The following XIRP2 variants were observed in gnomAD, a reference collection of about 807,000 sequenced individuals.
The protein encoded by XIRP2 is xin actin binding repeat containing 2.
A neutral mutation model predicts 277.0 loss-of-function variants in XIRP2; 236 were observed. That is an observed-to-expected ratio of 0.85 (90% CI 0.77 to 0.95). The LOEUF (loss-of-function observed/expected upper bound fraction) is 0.95, where lower values mean the gene tolerates loss of function less well. XIRP2 is among the 40% of genes least tolerant of loss of function. The pLI is 0.00. For synonymous variants in XIRP2, 1,490 were observed against 1,416.5 expected (o/e 1.05, Z -1.17); for missense variants, 4,640 against 4,157.5 (o/e 1.12, Z -3.19).
chr2:167,172,002 G>A (rs73023920), intron 3 of XIRP2, among the ~76,000 whole-genome samples: 15,603 of 152,170 alleles, frequency 0.1, 862 homozygotes, highest in South Asian at 0.16. Context: ...CATGCGATGC[G>A]TAGTAATCAC....
At chr2:167,145,688 A>G (rs1691844396) in intron 3 of XIRP2, among the ~76,000 whole-genome samples, 1 of 152,226 alleles carries the variant, frequency 6.6e-6, no homozygotes, top group Non-Finnish European at 1.5e-5. Context: ...AAAGTCTTCC[A>G]TGAGACTGCA....
At chr2:166,899,837 T>C (rs1324608042) in intron 1 of XIRP2, among the ~76,000 whole-genome samples, 2 of 152,130 alleles carry the variant, frequency 1.3e-5, no homozygotes, top group African/African-American at 4.8e-5. Flanking sequence ...ATGTTGCTTA[T>C]TGGTAATGGT....
At chr2:166,950,969 A>C (rs1686012010) in intron 2 of XIRP2, among the ~76,000 whole-genome samples, 1 of 152,086 alleles carries the variant, frequency 6.6e-6, no homozygotes. Flanking sequence ...GATGCTAAGG[A>C]AGAGGCTAAA....
At chr2:167,137,715 G>A (rs1346277168) in intron 3 of XIRP2, among the ~76,000 whole-genome samples, 1 of 152,096 alleles carries the variant, frequency 6.6e-6, no homozygotes, top group Non-Finnish European at 1.5e-5. Flanking sequence ...CACATTTCCA[G>A]GTACATTGAC....
chr2:167,244,631 C>T lies in XIRP2; in HGVS notation c.3239C>T (p.Thr1080Ile), dbSNP rs746431334. 33 of 1,612,992 alleles carry T rather than the reference C, an allele frequency of 2.0e-5. No individual in the cohort carries two copies. The highest frequency in any genetic ancestry group is 2.6e-5 in the Non-Finnish European group (31 of 1,179,572). The stretch of plus-strand genomic sequence containing the variant: ...GATGTGGAAGAAACAGAAAGTAAAA[C>T]TGAACAAACTAGAGATATTGTTAAA... ...FSDVEETESKTEQTRDIVKGD... is the reference protein window; with the variant it reads ...FSDVEETESKIEQTRDIVKGD... Residue 1080 changes from threonine (T) to isoleucine (I), a missense_variant, in exon 9 of 11, where the codon ACT (threonine) becomes ATT (isoleucine). By Grantham distance (89) the Thr-to-Ile change is moderately conservative. Transcript: ENST00000409195.
intron 2 of XIRP2, among the ~76,000 whole-genome samples, chr2:167,015,375 C>T (rs1558948358): frequency 6.6e-6 from 1 of 151,674 alleles, no homozygotes; most frequent in Non-Finnish European, 1.5e-5. Flanking sequence ...TAGTTAATAT[C>T]TACTAAGTAC....
chr2:166,910,103 G>T (rs1053771790), intron 2 of XIRP2, among the ~76,000 whole-genome samples: 2 of 152,154 alleles, frequency 1.3e-5, no homozygotes, highest in Non-Finnish European at 2.9e-5. Context: ...TCAGACTTTG[G>T]TATCGCGATG....
intron 3 of XIRP2, among the ~76,000 whole-genome samples, chr2:167,152,039 G>A (rs1692031126): frequency 1.3e-5 from 2 of 152,072 alleles, no homozygotes; most frequent in African/African-American, 4.8e-5. Context: ...CTTGAAGTAA[G>A]TTACATGTGA....
At chr2:166,930,104 G>C (rs1230058050) in intron 2 of XIRP2, among the ~76,000 whole-genome samples, 3 of 152,060 alleles carry the variant, frequency 2.0e-5, no homozygotes, top group Non-Finnish European at 4.4e-5. Flanking sequence ...TTAATATGTT[G>C]CCCATGGAAA....
Position 167,259,154 on chromosome 2 carries a change from T to C in XIRP2, c.*1337T>C. 1.9e-6 allele frequency: 3 copies of C among 1,613,032 alleles called. No homozygotes were observed. Among genetic ancestry groups the C allele is most frequent in the Non-Finnish European group, 2.5e-6 (3 of 1,179,508 alleles). On this transcript the variant is annotated 3_prime_UTR_variant, in exon 11 of 11. Coordinates refer to ENST00000409195, the MANE Select transcript of XIRP2 (RefSeq NM_152381.6). ...TGTAGATCAAATTAAAAATATGCCA[T>C]GCTTGGATTTAAGGGAATTTGGAAA...
intron 2 of XIRP2, among the ~76,000 whole-genome samples, chr2:166,915,348 T>TATGAACACAAAAAGC (rs1417064349): frequency 7.3e-4 from 108 of 147,790 alleles, no homozygotes; most frequent in African/African-American, 2.5e-3. Flanking sequence ...TAAAGGAACC[T>TATGAACACAAAAAGC]ATGAACACAA....
chr2:167,041,083 A>C (rs991527547), intron 2 of XIRP2, among the ~76,000 whole-genome samples: 2 of 151,988 alleles, frequency 1.3e-5, no homozygotes, highest in African/African-American at 4.8e-5. Context: ...TCAAGGAACC[A>C]GAGAAAAAAA....
intron 2 of XIRP2, among the ~76,000 whole-genome samples, chr2:166,911,192 T>C (rs903909744): frequency 6.6e-6 from 1 of 152,214 alleles, no homozygotes; most frequent in Non-Finnish European, 1.5e-5. Flanking sequence ...CTCATTGATC[T>C]GTCTAATGTT....
intron 2 of XIRP2, among the ~76,000 whole-genome samples, chr2:167,030,785 T>C (rs1452031986): frequency 6.6e-6 from 1 of 151,970 alleles, no homozygotes; most frequent in African/African-American, 2.4e-5. Flanking sequence ...ATATCGACAG[T>C]GGGGTGTTAA....
intron 1 of XIRP2, among the ~76,000 whole-genome samples, chr2:166,903,233 C>G (rs543974454): frequency 2.6e-5 from 4 of 152,182 alleles, no homozygotes; most frequent in Non-Finnish European, 5.9e-5. Context: ...TATATTCAAA[C>G]TGCCATGGCT....
At chr2:167,187,335 C>A (rs1002103710) in intron 3 of XIRP2, 46 of 985,218 alleles carry the variant, frequency 4.7e-5, no homozygotes, top group East Asian at 1.1e-4. Flanking sequence ...TTTAGACGCT[C>A]TGCTAAAATA....
chr2:166,979,369 CTTTT>C (rs66909002), intron 2 of XIRP2, among the ~76,000 whole-genome samples: 2 of 108,506 alleles, frequency 1.8e-5, no homozygotes, highest in Non-Finnish European at 3.8e-5. Context: ...CTTTTCTTTT[CTTTT>C]TTTTTTTTTT....
At chr2:166,908,361 G>C (rs1258471665) in intron 2 of XIRP2, among the ~76,000 whole-genome samples, 1 of 151,936 alleles carries the variant, frequency 6.6e-6, no homozygotes, top group Admixed American at 6.6e-5. Flanking sequence ...TTCTCTGATG[G>C]CCAGTGATGA....
intron 2 of XIRP2, among the ~76,000 whole-genome samples, chr2:166,914,352 G>A (rs770720711): frequency 7.2e-5 from 11 of 151,924 alleles, no homozygotes; most frequent in Non-Finnish European, 1.5e-4. Flanking sequence ...GTTTTGTTTT[G>A]TTTTTTGAGA....
Sources: gnomAD v4.1 joint callset for allele counts (sites outside exome capture counted in the v4.1 genomes callset) on GRCh38, gnomAD v4.1.1 for gene constraint, MANE v1.5 for transcripts, NCBI Gene and HGNC (gene_info 2026-07-23, HGNC 2026-07-21) for gene names.